NBPF20: variants seen among roughly 807,000 people sequenced by gnomAD.
NBPF20 encodes NBPF member 20.
A neutral mutation model predicts 68.1 loss-of-function variants in NBPF20; 90 were observed. The ratio of observed to expected loss-of-function variants is 1.32; its 90% CI spans 1.11 to 1.58. The LOEUF is 1.58. NBPF20 is among the 40% of genes most tolerant of loss of function. The probability of loss-of-function intolerance (pLI) is 0.00; values close to 1 mark genes in which losing one functional copy is unlikely to be tolerated. For synonymous variants in NBPF20, 290 were observed against 228.1 expected (o/e 1.27, Z -2.45); for missense variants, 816 against 601.2 (o/e 1.36, Z -3.74).
chr1:145,407,161 T>G (rs1662824174), upstream of NBPF20, among the ~76,000 whole-genome samples: 2 of 149,988 alleles, frequency 1.3e-5, no homozygotes, highest in South Asian at 4.2e-4. Flanking sequence ...CATTGGTGTC[T>G]TTGTTTTTAA....
intron 7 of NBPF20, among the ~76,000 whole-genome samples, chr1:145,397,292 G>A (rs1662297018): frequency 2.0e-5 from 3 of 152,178 alleles, no homozygotes; most frequent in African/African-American, 7.2e-5. Context: ...CCAGTAATGG[G>A]ATGGCTGGGT....
In NBPF20 at chr1:145,291,498, T is replaced by A. The variant is rs782206931; in HGVS notation, c.*28A>T. On this transcript the variant is annotated 3_prime_UTR_variant, in exon 138 of 138. Coordinates refer to ENST00000369373, the Ensembl canonical transcript of NBPF20. ...TGCCTATAGGTCCTGCCTGCAGGAA[T>A]GACATCTCTCGGCTTAGTAAGGGCT... 4.3e-6 allele frequency: 7 copies of A among 1,612,042 alleles called. No individual in the cohort carries two copies. The Admixed American group carries it at 8.3e-5, about 19-fold the overall frequency.
intron 2 of NBPF20, 86 bp from the exon 8 acceptor site, chr1:145,403,404 C>A (rs1662618716): frequency 2.9e-6 from 3 of 1,033,728 alleles, no homozygotes; most frequent in Non-Finnish European, 4.5e-6. Flanking sequence ...CCAGGTCCAT[C>A]CCAAGGACAA....
chr1:145,408,823 T>A (rs182221570), upstream of NBPF20, among the ~76,000 whole-genome samples: 7 of 152,210 alleles, frequency 4.6e-5, no homozygotes, highest in African/African-American at 1.7e-4. Flanking sequence ...CATGTAATGA[T>A]TCTGGTTATT....
chr1:145,395,219 G>C (rs1304208154), intron 7 of NBPF20, 78 bp from the exon 13 acceptor site: 18 of 861,534 alleles, frequency 2.1e-5, no homozygotes, highest in Non-Finnish European at 1.7e-5. Context: ...CAGATGATCT[G>C]ATGGGAGACA....
upstream of NBPF20, among the ~76,000 whole-genome samples, chr1:145,409,766 A>C (rs1328434621): frequency 3.4e-4 from 52 of 152,104 alleles, 1 homozygote; most frequent in Non-Finnish European, 2.9e-4. Flanking sequence ...AGACTTATAG[A>C]TTAAAAGAAG....
At chr1:145,393,732 A>C (rs1425492088) in intron 9 of NBPF20, 152 bp downstream of exon 14, 29 of 1,507,960 alleles carry the variant, frequency 1.9e-5, no homozygotes, top group South Asian at 4.5e-5. Context: ...CTAAACATGT[A>C]CTCTAATGAG....
At position 145,346,320 on chromosome 1, in the gene NBPF20, A is replaced by C; in HGVS notation, c.8363+2T>G. 1 of 130,954 alleles carries C rather than the reference A, an allele frequency of 7.6e-6. No individual in the cohort carries two copies. The highest frequency in any genetic ancestry group is 1.3e-5 in the Non-Finnish European group (1 of 77,046). 8.1% of individuals were successfully genotyped at this position (130,954 alleles called of 1,614,324 possible). A position where few individuals can be genotyped will look rare whatever the true frequency, so the allele number is the denominator to read the frequency against. ...TAAGCATACACAATTGCTGAAAGTCACCTGGGGCATGGTGGGTTTTGATCT... is the reference window on the plus strand; with the variant it reads ...TAAGCATACACAATTGCTGAAAGTCCCCTGGGGCATGGTGGGTTTTGATCT... On this transcript the variant is annotated splice_donor_variant, in intron 69 of 137. Transcript: ENST00000369373. LOFTEE classifies it high-confidence loss of function.
In NBPF20 at chr1:145,402,215, C is replaced by G. The variant is rs1194463942; in HGVS notation, c.445G>C (p.Ala149Pro). 5 of 1,601,744 alleles carry G rather than the reference C, an allele frequency of 3.1e-6. No individual in the cohort carries two copies. In the Admixed American group the frequency reaches 8.4e-5, roughly 27 times the overall value. ...TGCTGTGCCAGTCTACACCCCTCAG[C>G]CAGCTGTTCTTGGAGGTCCTGCCCC... is the stretch of plus-strand genomic sequence containing the variant. Residue 149 changes from alanine (A) to proline (P), a missense_variant, in exon 4 of 138, where the codon GCT becomes CCT. Physicochemically the swap from Ala to Pro is conservative, Grantham distance 27. Coordinates refer to ENST00000369373, the Ensembl canonical transcript of NBPF20.
chr1:145,401,028 C>T, intron 5 of NBPF20, 31 bp downstream of exon 10: 2 of 1,543,272 alleles, frequency 1.3e-6, no homozygotes, highest in Non-Finnish European at 1.8e-6. Flanking sequence ...ATGTTACCAT[C>T]CATTAATTGT....
intron 112 of NBPF20, among the ~76,000 whole-genome samples, chr1:145,311,897 T>C (rs1363890694): frequency 5.3e-5 from 6 of 112,624 alleles, no homozygotes; most frequent in Admixed American, 8.5e-5. Flanking sequence ...GGATGAAATC[T>C]ACAAGATCTA....
chr1:145,425,475 C>T, the NBPF20 span, among the ~76,000 whole-genome samples: 2 of 152,206 alleles, frequency 1.3e-5, no homozygotes, highest in Non-Finnish European at 2.9e-5. Flanking sequence ...CCAAAAGCAC[C>T]GCGTTCACTC....
chr1:145,394,573 G>A lies in NBPF20; in HGVS notation c.991+405C>T, dbSNP rs1553663293. ...GACAAGGGTGACACTGGCCTTGGGC[G>A]GGTAAAGAACCACACAGACATGCTT... On this transcript the variant is annotated intron_variant, in intron 8 of 137. Transcript: ENST00000369373. Among the ~76,000 whole-genome samples, 855 of 149,840 alleles carry A rather than the reference G, an allele frequency of 5.7e-3. 9 individuals carry two copies. The highest frequency in any genetic ancestry group is 0.02 in the African/African-American group (798 of 39,342).
At chr1:145,311,081 G>A (rs1425504042) in intron 113 of NBPF20, among the ~76,000 whole-genome samples, 2 of 76,880 alleles carry the variant, frequency 2.6e-5, no homozygotes, top group African/African-American at 1.5e-4. Flanking sequence ...CGAGTTGGCC[G>A]GGTGACACAC....
At chr1:145,291,316 T>A in exon 138 of NBPF20, 1 of 739,136 alleles carries the variant, frequency 1.4e-6, no homozygotes, top group Non-Finnish European at 2.2e-6. Flanking sequence ...TGCTGCACAG[T>A]TATGTGAACG....
At chr1:145,402,782 T>G in intron 3 of NBPF20, among the ~76,000 whole-genome samples, 1 of 147,852 alleles carries the variant, frequency 6.8e-6, no homozygotes, top group Admixed American at 6.8e-5. Context: ...ATGGGGCGAA[T>G]TGAAAAGACG....
chr1:145,424,484 A>G, the NBPF20 span, among the ~76,000 whole-genome samples: 1 of 152,232 alleles, frequency 6.6e-6, no homozygotes, highest in Non-Finnish European at 1.5e-5. Context: ...AAACACTACC[A>G]GCAGATCTTT....
At chr1:145,417,099 T>C in the NBPF20 span, among the ~76,000 whole-genome samples, 1 of 143,850 alleles carries the variant, frequency 7.0e-6, no homozygotes, top group Non-Finnish European at 1.5e-5. Flanking sequence ...TAGTGTGAAG[T>C]TGGTGAAAAG....
intron 7 of NBPF20, among the ~76,000 whole-genome samples, chr1:145,397,931 A>C (rs1208116909): frequency 2.0e-5 from 3 of 152,184 alleles, no homozygotes; most frequent in Non-Finnish European, 2.9e-5. Context: ...CAGGGGTTGC[A>C]ATCCTAGTCT....
Sources: gnomAD v4.1 joint callset for allele counts (sites outside exome capture counted in the v4.1 genomes callset) on GRCh38, gnomAD v4.1.1 for gene constraint, MANE v1.5 for transcripts, NCBI Gene and HGNC (gene_info 2026-07-23, HGNC 2026-07-21) for gene names.